Variants in FGF12 observed in about 807,000 individuals in gnomAD.
FGF12 encodes fibroblast growth factor 12B.
A neutral mutation model predicts 23.6 loss-of-function variants in FGF12; 14 were observed. The observed-to-expected ratio is 0.59, with a 90% CI of 0.39 to 0.93. FGF12 has a LOEUF of 0.93. Among genes scored for constraint, FGF12 ranks in the 40% least tolerant of loss-of-function variants. The pLI, the probability that FGF12 is intolerant of heterozygous loss-of-function variation, is 0.00. For synonymous variants in FGF12, 62 were observed against 77.3 expected, an observed-to-expected ratio of 0.80 and a Z score of 1.04; for missense variants, 175 against 217.8, an observed-to-expected ratio of 0.80 and a Z score of 1.24.
intron 2 of FGF12, among the ~76,000 whole-genome samples, chr3:192,697,088 A>T (rs1466377774): frequency 6.7e-6 from 1 of 150,312 alleles, no homozygotes; most frequent in Non-Finnish European, 1.5e-5. Flanking sequence ...GGTTGGTTCC[A>T]GCCCAAGGGC....
At chr3:192,260,725 T>C (rs960491685) in intron 4 of FGF12, among the ~76,000 whole-genome samples, 12 of 152,092 alleles carry the variant, frequency 7.9e-5, no homozygotes, top group African/African-American at 2.9e-4. Context: ...CCTGCTTCTA[T>C]GGAGGGAGGG....
intron 2 of FGF12, among the ~76,000 whole-genome samples, chr3:192,618,014 A>T (rs1200715955): frequency 2.0e-5 from 3 of 152,104 alleles, no homozygotes; most frequent in African/African-American, 7.2e-5. Flanking sequence ...TATACCCAGG[A>T]TGGCAAAGAA....
At chr3:192,546,512 G>C (rs1009529845) in intron 2 of FGF12, among the ~76,000 whole-genome samples, 2 of 149,464 alleles carry the variant, frequency 1.3e-5, no homozygotes, top group Non-Finnish European at 3.0e-5. Flanking sequence ...AGGATATTTC[G>C]ACAGATAAAG....
At chr3:192,644,098 T>G (rs1354691872) in intron 2 of FGF12, among the ~76,000 whole-genome samples, 1 of 152,250 alleles carries the variant, frequency 6.6e-6, no homozygotes. Context: ...TGGCTCTTTG[T>G]GCCCATACAT....
At chr3:192,494,576 T>G (rs999314001) in intron 2 of FGF12, among the ~76,000 whole-genome samples, 2 of 152,204 alleles carry the variant, frequency 1.3e-5, no homozygotes, top group African/African-American at 4.8e-5. Flanking sequence ...CTAGATGCAT[T>G]CTAGTGTGAT....
chr3:192,163,715 T>C (rs1715003257), intron 5 of FGF12, among the ~76,000 whole-genome samples: 1 of 152,112 alleles, frequency 6.6e-6, no homozygotes, highest in Admixed American at 6.6e-5. Flanking sequence ...CTGGTACTGA[T>C]GTTTGGGAAA....
At chr3:192,646,434 T>C (rs1286201564) in intron 2 of FGF12, among the ~76,000 whole-genome samples, 1 of 151,794 alleles carries the variant, frequency 6.6e-6, no homozygotes, top group Non-Finnish European at 1.5e-5. Flanking sequence ...TTCTGGGGAG[T>C]AGGAAGAGGA....
intron 2 of FGF12, among the ~76,000 whole-genome samples, chr3:192,448,065 A>T (rs1346274405): frequency 6.6e-6 from 1 of 151,794 alleles, no homozygotes; most frequent in East Asian, 1.9e-4. Flanking sequence ...CATTTCTTCA[A>T]AGTATTTTCA....
intron 4 of FGF12, among the ~76,000 whole-genome samples, chr3:192,214,214 G>A (rs2081193170): frequency 6.6e-6 from 1 of 152,102 alleles, no homozygotes; most frequent in Admixed American, 6.5e-5. Context: ...CAATAACCAC[G>A]TGAGATCAGT....
chr3:192,292,032 T>C (rs932516495), intron 4 of FGF12, among the ~76,000 whole-genome samples: 3 of 152,078 alleles, frequency 2.0e-5, no homozygotes, highest in Admixed American at 6.6e-5. Flanking sequence ...CAATCAAAGC[T>C]CAAAACATGT....
chr3:192,297,350 G>C (rs1443811261), intron 4 of FGF12, among the ~76,000 whole-genome samples: 6 of 152,106 alleles, frequency 3.9e-5, no homozygotes, highest in African/African-American at 9.7e-5. Context: ...TATACTGTTT[G>C]GTAATTGGAA....
intron 2 of FGF12, among the ~76,000 whole-genome samples, chr3:192,374,884 A>G (rs1719406246): frequency 1.3e-5 from 2 of 152,128 alleles, no homozygotes; most frequent in South Asian, 4.1e-4. Flanking sequence ...AAATACTAGC[A>G]TTTTCCATAA....
chr3:192,367,312 G>C (rs1719027300), intron 2 of FGF12, among the ~76,000 whole-genome samples: 1 of 152,144 alleles, frequency 6.6e-6, no homozygotes, highest in South Asian at 2.1e-4. Flanking sequence ...GCCTCTTTGG[G>C]TTTACAAATG....
At chr3:192,432,570 G>T (rs1001152062) in intron 2 of FGF12, among the ~76,000 whole-genome samples, 1 of 147,580 alleles carries the variant, frequency 6.8e-6, no homozygotes, top group Non-Finnish European at 1.5e-5. Flanking sequence ...TGTGGGAAGG[G>T]CCATGGGGCA....
At chr3:192,564,808 C>T (rs1712203768) in intron 2 of FGF12, among the ~76,000 whole-genome samples, 1 of 152,206 alleles carries the variant, frequency 6.6e-6, no homozygotes, top group African/African-American at 2.4e-5. Flanking sequence ...CATCTCAGGA[C>T]TGAAATGAAA....
chr3:192,370,559 T>C (rs112283881), intron 2 of FGF12, among the ~76,000 whole-genome samples: 6,022 of 125,140 alleles, frequency 0.048, 165 homozygotes, highest in East Asian at 0.087. Flanking sequence ...AAAGTTGTAA[T>C]AGTTTTTTTT....
intron 2 of FGF12, among the ~76,000 whole-genome samples, chr3:192,554,774 A>C (rs1164936099): frequency 7.3e-6 from 1 of 136,874 alleles, no homozygotes; most frequent in Non-Finnish European, 1.6e-5. Context: ...TACTATAAAG[A>C]TGCTCAATGA....
At chr3:192,169,503 G>A (rs1188997614) in intron 5 of FGF12, among the ~76,000 whole-genome samples, 1 of 152,090 alleles carries the variant, frequency 6.6e-6, no homozygotes, top group Non-Finnish European at 1.5e-5. Context: ...TGACTTAAAT[G>A]TTTGCAGTCA....
intron 2 of FGF12, among the ~76,000 whole-genome samples, chr3:192,467,072 T>G (rs1723032271): frequency 6.6e-6 from 1 of 152,250 alleles, no homozygotes; most frequent in African/African-American, 2.4e-5. Flanking sequence ...CTTAATTGTT[T>G]GTAACATCTG....
Sources: gnomAD v4.1 joint callset for allele counts (sites outside exome capture counted in the v4.1 genomes callset) on GRCh38, gnomAD v4.1.1 for gene constraint, MANE v1.5 for transcripts, NCBI Gene and HGNC (gene_info 2026-07-23, HGNC 2026-07-21) for gene names.